The following PPM1A variants were observed in gnomAD, a reference collection of about 807,000 sequenced individuals.
PPM1A encodes protein phosphatase, Mg2+/Mn2+ dependent 1A.
A neutral mutation model predicts 35.0 loss-of-function variants in PPM1A; 7 were observed. That is an observed-to-expected ratio of 0.20 (90% CI 0.11 to 0.38). PPM1A has a LOEUF of 0.38. Ranked by LOEUF, PPM1A falls within the 10% of genes least tolerant of loss-of-function variation. The pLI is 1.00. For missense variants in PPM1A, 239 were observed against 467.8 expected (o/e 0.51, Z 4.51); for synonymous variants, 153 against 167.3 (o/e 0.91, Z 0.66).
intron 1 of PPM1A, among the ~76,000 whole-genome samples, chr14:60,256,181 G>A (rs1883115532): frequency 6.6e-6 from 1 of 152,220 alleles, no homozygotes; most frequent in Admixed American, 6.5e-5. Context: ...AGCACTTTGG[G>A]AGGCTGAGGC....
intron 1 of PPM1A, among the ~76,000 whole-genome samples, chr14:60,265,777 C>G (rs1884304377): frequency 1.3e-5 from 2 of 152,104 alleles, no homozygotes; most frequent in Admixed American, 1.3e-4. Context: ...CAAGTGCAAA[C>G]AAGGGCAAGA....
intron 1 of PPM1A, among the ~76,000 whole-genome samples, chr14:60,268,689 C>G (rs1317594683): frequency 1.3e-5 from 2 of 150,610 alleles, no homozygotes; most frequent in African/African-American, 4.9e-5. Flanking sequence ...ATTTTCAACA[C>G]ACTATTGCTG....
In PPM1A at chr14:60,295,671, G is replaced by T. The variant is rs1480159506; in HGVS notation, c.*3189G>T. 1.3e-5 allele frequency: 2 copies of T among 151,550 alleles called. No individual in the cohort carries two copies. The highest frequency in any genetic ancestry group is 2.4e-5 in the African/African-American group (1 of 41,366). The allele number at this position is 151,550 out of a possible 1,614,324, so 9.4% of individuals were successfully genotyped here. A position where few individuals can be genotyped will look rare whatever the true frequency, so the allele number is the denominator to read the frequency against. ...AGGCTAAGCACATTGGGACTGTAAA[G>T]AAATGAGTAGATCCTTGGCTTCAAG... is the stretch of plus-strand genomic sequence containing the variant. On this transcript the variant is annotated 3_prime_UTR_variant, in exon 6 of 6. Transcript: ENST00000395076.
chr14:60,292,396 G>A lies in PPM1A; in HGVS notation c.1120-57G>A, dbSNP rs1887729236. The A allele has an allele frequency of 3.8e-6, 5 of 1,303,014 alleles. No homozygotes were observed. Among genetic ancestry groups the A allele is most frequent in the Non-Finnish European group, 4.4e-6 (4 of 900,170 alleles). The allele number at this position is 1,303,014 out of a possible 1,614,324, so 80.7% of individuals were successfully genotyped here. A position where few individuals can be genotyped will look rare whatever the true frequency, so the allele number is the denominator to read the frequency against. Reference sequence around the variant, plus strand: ...TTCTCCATTATCCAGAAAGTATGGTGTATTTTGGCACCGCTAAATTTTAAC... The same window carrying A: ...TTCTCCATTATCCAGAAAGTATGGTATATTTTGGCACCGCTAAATTTTAAC... On this transcript the variant is annotated intron_variant, in intron 5 of 5. Transcript: ENST00000395076. This position sits in a 1 kb window ranked among gnomAD's most constrained non-coding sequence, Gnocchi z 4.2.
Position 60,295,983 on chromosome 14 carries a change from G to A in PPM1A, c.*3501G>A, listed in dbSNP as rs570057517. 32 of 151,766 alleles carry A rather than the reference G, an allele frequency of 2.1e-4. No individual in the cohort carries two copies. The highest frequency in any genetic ancestry group is 7.7e-4 in the African/African-American group (32 of 41,486). 9.4% of individuals were successfully genotyped at this position (151,766 alleles called of 1,614,324 possible). A position where few individuals can be genotyped will look rare whatever the true frequency, so the allele number is the denominator to read the frequency against. ...AGGCTTAAGCCCATTCAGTATCCTT[G>A]ATTGCATTTATCCAACGGCCTTTAT... is the stretch of plus-strand genomic sequence containing the variant. On this transcript the variant is annotated 3_prime_UTR_variant, in exon 6 of 6. Transcript: ENST00000395076.
chr14:60,290,955 A>G (rs1566608491), intron 4 of PPM1A, among the ~76,000 whole-genome samples: 1 of 152,148 alleles, frequency 6.6e-6, no homozygotes, highest in Non-Finnish European at 1.5e-5. Flanking sequence ...CAGTTTTAAT[A>G]GAACTTTTGA....
rs1887825769 is a variant in PPM1A, at chr14:60,293,460, G to C, written c.*978G>C. ...GGAAAGATGTTAGTCTCTTTTAATT[G>C]GACAACACTGTCACTCAAGGCATAG... On this transcript the variant is annotated 3_prime_UTR_variant, in exon 6 of 6. Coordinates refer to ENST00000395076, the MANE Select transcript of PPM1A (RefSeq NM_021003.5). This position sits in a 1 kb window ranked among gnomAD's most constrained non-coding sequence, Gnocchi z 4.0. The C allele has an allele frequency of 6.6e-6, 1 of 151,812 alleles. No individual in the cohort carries two copies. Among genetic ancestry groups the C allele is most frequent in the Non-Finnish European group, 1.5e-5 (1 of 67,892 alleles). The allele number at this position is 151,812 out of a possible 1,614,324, so 9.4% of individuals were successfully genotyped here. A position where few individuals can be genotyped will look rare whatever the true frequency, so the allele number is the denominator to read the frequency against.
intron 1 of PPM1A, among the ~76,000 whole-genome samples, chr14:60,275,537 A>T (rs1885649306): frequency 6.6e-6 from 1 of 151,952 alleles, no homozygotes; most frequent in African/African-American, 2.4e-5. Flanking sequence ...CCCAGGCTGG[A>T]GTGCAGTGGC....
At chr14:60,268,665 AT>A (rs60921016) in intron 1 of PPM1A, among the ~76,000 whole-genome samples, 20 of 145,860 alleles carry the variant, frequency 1.4e-4, no homozygotes, top group South Asian at 4.3e-4. Flanking sequence ...CTAAGTGTGA[AT>A]TTTTTTTTTT....
At chr14:60,286,463 A>G (rs1887021701) in intron 3 of PPM1A, 1 of 985,286 alleles carries the variant, frequency 1.0e-6, no homozygotes, top group African/African-American at 1.7e-5. Flanking sequence ...CTAAGTGGAA[A>G]AACTTGACAT....
chr14:60,256,116 ATTTTCAG>A (rs748474258), intron 1 of PPM1A, among the ~76,000 whole-genome samples: 3 of 152,328 alleles, frequency 2.0e-5, no homozygotes, highest in Admixed American at 1.3e-4. Flanking sequence ...ATGCTAGACT[ATTTTCAG>A]TGTTTAGAAA....
Position 60,292,351 on chromosome 14 carries a change from A to T in PPM1A, c.1120-102A>T. The T allele has an allele frequency of 1.2e-6, 1 of 833,262 alleles. No homozygotes were observed. Among genetic ancestry groups the T allele is most frequent in the East Asian group, 2.6e-5 (1 of 38,828 alleles). 51.6% of individuals were successfully genotyped at this position (833,262 alleles called of 1,614,324 possible). A position where few individuals can be genotyped will look rare whatever the true frequency, so the allele number is the denominator to read the frequency against. ...AAAAAACATTTATATTCTAAAAGTC[A>T]TCTTTACAGAACATTATCTTTCTCC... is the stretch of plus-strand genomic sequence containing the variant. On this transcript the variant is annotated intron_variant, in intron 5 of 5. Transcript: ENST00000395076. This position sits in a 1 kb window ranked among gnomAD's most constrained non-coding sequence, Gnocchi z 4.2.
rs1406921805 is a variant in PPM1A, at chr14:60,283,507, C to T, written c.804C>T (p.Cys268=). Residue 268 remains cysteine (C), a synonymous_variant, in exon 2 of 6, where the codon TGC becomes TGT. Coordinates refer to ENST00000395076, the MANE Select transcript of PPM1A (RefSeq NM_021003.5). The surrounding 1 kb of genome is among the most constrained non-coding windows in gnomAD (Gnocchi z 6.3). ...TCACTGATGACCTTGAGAAAGTTTG[C>T]AATGAAGTAGTCGACACCTGTTTGT... ...LEVTDDLEKV[C]NEVVDTCLYK... 1.2e-6 allele frequency: 2 copies of T among 1,613,076 alleles called. No individual in the cohort carries two copies.
intron 3 of PPM1A, 148 bp downstream of exon 3, chr14:60,285,889 C>T (rs1469593943): frequency 1.4e-6 from 2 of 1,425,852 alleles, no homozygotes; most frequent in South Asian, 1.6e-5. Flanking sequence ...TCTGTAGTAG[C>T]TGTTAAGATG....
intron 1 of PPM1A, among the ~76,000 whole-genome samples, chr14:60,277,720 A>C (rs1389484247): frequency 6.6e-6 from 1 of 152,350 alleles, no homozygotes; most frequent in East Asian, 1.9e-4. Flanking sequence ...AGGAGTTAGT[A>C]ATTAAACAGT....
At chr14:60,270,360 C>A (rs1884938320) in intron 1 of PPM1A, among the ~76,000 whole-genome samples, 1 of 152,022 alleles carries the variant, frequency 6.6e-6, no homozygotes. Flanking sequence ...TAAGTTGTCA[C>A]CTAGTTTTCT....
At chr14:60,253,472 A>G (rs1882682057) in intron 1 of PPM1A, among the ~76,000 whole-genome samples, 1 of 152,142 alleles carries the variant, frequency 6.6e-6, no homozygotes, top group Non-Finnish European at 1.5e-5. Context: ...AGTATTTTTC[A>G]AGATATTACT....
At chr14:60,285,367 C>G (rs1435613335) in intron 2 of PPM1A, among the ~76,000 whole-genome samples, 2 of 152,176 alleles carry the variant, frequency 1.3e-5, no homozygotes, top group African/African-American at 4.8e-5. Flanking sequence ...ATTATTATTA[C>G]AGTGAGATTA....
intron 1 of PPM1A, among the ~76,000 whole-genome samples, chr14:60,274,141 A>T (rs1885475913): frequency 6.6e-6 from 1 of 152,166 alleles, no homozygotes; most frequent in Admixed American, 6.5e-5. Flanking sequence ...TGCAAAGGAG[A>T]CGACGGAAAA....
Sources: gnomAD v4.1 joint callset for allele counts (sites outside exome capture counted in the v4.1 genomes callset) on GRCh38, gnomAD v4.1.1 for gene constraint, Gnocchi (gnomAD v3.1) non-coding constraint, MANE v1.5 for transcripts, NCBI Gene and HGNC (gene_info 2026-07-23, HGNC 2026-07-21) for gene names.